UQCRH: variants seen among roughly 807,000 people sequenced by gnomAD.
UQCRH encodes the protein ubiquinol-cytochrome c reductase hinge protein, also known as cytochrome b-c1 complex subunit 6, mitochondrial.
UQCRH carries 14 observed loss-of-function variants against 16.3 expected under a neutral mutation model. That is an observed-to-expected ratio of 0.86 (90% CI 0.57 to 1.34). The LOEUF is 1.34. Ranked by LOEUF, UQCRH falls within the 40% of genes most tolerant of loss-of-function variation. The pLI, the probability that UQCRH is intolerant of heterozygous loss-of-function variation, is 0.00. For missense variants in UQCRH, 89 were observed against 111.9 expected (o/e 0.80, Z 0.92); for synonymous variants, 41 against 41.9 (o/e 0.98, Z 0.08).
At position 46,310,191 on chromosome 1, in the gene UQCRH, T is replaced by C; in HGVS notation, c.118T>C (p.Leu40=). 12 of 1,614,126 alleles carry C rather than the reference T, an allele frequency of 7.4e-6. No homozygotes were observed. Among genetic ancestry groups the C allele is most frequent in the South Asian group, 1.1e-5 (1 of 91,090 alleles). The change falls in exon 3 of 4, where the codon TTG becomes CTG. Residue 40 remains leucine, a synonymous_variant. Transcript: ENST00000311672. ...AACAGTGAGAGAGCAATGCGAGCAG[T>C]TGGAGAAATGTGTAAAGGCCCGGGA... The part of the protein sequence containing the change: ...LTTVREQCEQ[L]EKCVKARERL...
At chr1:46,308,216 A>C (rs964987128) in intron 1 of UQCRH, among the ~76,000 whole-genome samples, 2 of 152,218 alleles carry the variant, frequency 1.3e-5, no homozygotes, top group African/African-American at 4.8e-5. Context: ...ACCTGGAGAC[A>C]ACCGCCTTTG....
At chr1:46,304,868 A>G (rs749137952) in intron 1 of UQCRH, among the ~76,000 whole-genome samples, 26 of 152,062 alleles carry the variant, frequency 1.7e-4, no homozygotes, top group Non-Finnish European at 3.8e-4. Flanking sequence ...ACTCTTATCA[A>G]TTTTGCGACA....
chr1:46,311,074 C>CA (rs1196243713), intron 3 of UQCRH, among the ~76,000 whole-genome samples: 1,496 of 144,834 alleles, frequency 0.01, 20 homozygotes, highest in African/African-American at 0.033. Flanking sequence ...GACTCCATCT[C>CA]AAAAAAAAAA....
At chr1:46,311,062 G>T (rs1329151843) in intron 3 of UQCRH, among the ~76,000 whole-genome samples, 1 of 149,172 alleles carries the variant, frequency 6.7e-6, no homozygotes, top group Non-Finnish European at 1.5e-5. Flanking sequence ...GCGACAGAGC[G>T]AGACTCCATC....
rs1661596288 is a variant in UQCRH at position 46,316,762 on chromosome 1, T to C, written c.*178T>C. ...GCAATGATTCCATCTAAATAAAAGT[T>C]CTATGATCTGCAAACCTGCCCGTCT... On this transcript the variant is annotated 3_prime_UTR_variant, in exon 4 of 4. Transcript: ENST00000311672. 7.2e-6 allele frequency: 6 copies of C among 830,492 alleles called. No homozygotes were observed. The highest frequency in any genetic ancestry group is 1.1e-5 in the Non-Finnish European group (6 of 571,024). The allele number at this position is 830,492 out of a possible 1,614,324, so 51.4% of individuals were successfully genotyped here.
intron 1 of UQCRH, 107 bp from the exon 2 acceptor site, chr1:46,308,994 A>G: frequency 7.8e-7 from 1 of 1,289,824 alleles, no homozygotes; most frequent in Non-Finnish European, 1.1e-6. Flanking sequence ...AAACAAAATA[A>G]CATCGTTAAT....
chr1:46,316,472 T>C (rs1051119434), intron 3 of UQCRH, 80 bp from the exon 4 acceptor site: 13 of 1,590,428 alleles, frequency 8.2e-6, no homozygotes, highest in Admixed American at 6.8e-5. Context: ...GGGGCAGTAC[T>C]GTTTCAGGTC....
At chr1:46,310,867 A>G (rs1441183632) in intron 3 of UQCRH, among the ~76,000 whole-genome samples, 1 of 151,774 alleles carries the variant, frequency 6.6e-6, no homozygotes, top group Non-Finnish European at 1.5e-5. Context: ...GGAGATCGAG[A>G]CCATCCTGGC....
At chr1:46,309,871 G>C in intron 2 of UQCRH, 1 of 1,354,588 alleles carries the variant, frequency 7.4e-7, no homozygotes, top group South Asian at 1.6e-5. Flanking sequence ...GTTTGGCCAG[G>C]TTTCCTTTAC....
intron 3 of UQCRH, among the ~76,000 whole-genome samples, chr1:46,315,222 A>G (rs1228415992): frequency 6.6e-6 from 1 of 152,194 alleles, no homozygotes; most frequent in Non-Finnish European, 1.5e-5. Context: ...AGGCACGTGG[A>G]TCACCTGAGG....
chr1:46,316,067 G>A (rs547493313), intron 3 of UQCRH, among the ~76,000 whole-genome samples: 3 of 152,032 alleles, frequency 2.0e-5, no homozygotes, highest in Non-Finnish European at 4.4e-5. Flanking sequence ...CCCCCGCCCC[G>A]CCTCCCATTT....
intron 3 of UQCRH, among the ~76,000 whole-genome samples, chr1:46,312,122 G>C (rs868198372): frequency 1.4e-4 from 21 of 147,604 alleles, no homozygotes; most frequent in African/African-American, 5.3e-4. Flanking sequence ...TTGAGACTGA[G>C]TTGCACTCTG....
chr1:46,309,799 C>T, intron 2 of UQCRH: 1 of 1,153,344 alleles, frequency 8.7e-7, no homozygotes, highest in Non-Finnish European at 1.1e-6. Context: ...TTTGAAGTTT[C>T]AGACGTGTCA....
intron 3 of UQCRH, 53 bp from the exon 4 acceptor site, chr1:46,316,499 G>A (rs1211761002): frequency 3.1e-6 from 5 of 1,612,392 alleles, no homozygotes; most frequent in Admixed American, 1.7e-5. Context: ...GACCTTGTAA[G>A]CCATGACATT....
rs1661302269 is a variant in UQCRH at position 46,303,756 on chromosome 1, C to G, written c.-11C>G. On this transcript the variant is annotated 5_prime_UTR_variant, in exon 1 of 4. Transcript: ENST00000311672. ...TTGCTGCTCGTGTTGAATCTAGAAC[C>G]GTAGCCAGACATGGGACTGGAGGAC... The G allele has an allele frequency of 6.2e-7, 1 of 1,614,030 alleles. No homozygotes were observed. Among genetic ancestry groups the G allele is most frequent in the Non-Finnish European group, 8.5e-7 (1 of 1,180,006 alleles).
chr1:46,310,053 G>T, intron 2 of UQCRH, 102 bp from the exon 3 acceptor site: 1 of 1,564,990 alleles, frequency 6.4e-7, no homozygotes, highest in South Asian at 1.2e-5. Flanking sequence ...CGGTAATTCA[G>T]AGGCAGCACC....
chr1:46,309,082 T>G lies in UQCRH; in HGVS notation c.55-19T>G, dbSNP rs768108517. On this transcript the variant is annotated intron_variant, in intron 1 of 3. Transcript: ENST00000311672. Reference sequence around the variant, plus strand: ...GTCATAAAATTGCTGCTGACATTAATTTTGTTTTCCTTTTGTAGGAGGAAG... The same window carrying G: ...GTCATAAAATTGCTGCTGACATTAAGTTTGTTTTCCTTTTGTAGGAGGAAG... 6.2e-7 allele frequency: 1 copy of G among 1,613,566 alleles called. No homozygotes were observed. The highest frequency in any genetic ancestry group is 2.2e-5 in the East Asian group (1 of 44,858).
At chr1:46,312,339 C>T (rs1661497383) in intron 3 of UQCRH, among the ~76,000 whole-genome samples, 1 of 151,860 alleles carries the variant, frequency 6.6e-6, no homozygotes. Context: ...TCCTGACCTC[C>T]AGTGATCCAC....
At position 46,310,317 on chromosome 1, in the gene UQCRH, GT is replaced by G; in HGVS notation, c.243+2del. ...CTTCTTGCATGCGAGGGACCATTGC[GT>G]AAGTCAGTGGGAAGTCAGGAAGGGG... On this transcript the variant is annotated splice_donor_variant, in intron 3 of 3. Transcript: ENST00000311672. LOFTEE classifies it high-confidence loss of function. 6.2e-7 allele frequency: 1 copy of G among 1,614,092 alleles called. No homozygotes were observed.
Sources: allele counts gnomAD v4.1 joint callset (sites outside exome capture counted in the v4.1 genomes callset), GRCh38; gene constraint gnomAD v4.1.1; transcripts MANE v1.5; gene names NCBI Gene and HGNC (gene_info 2026-07-23, HGNC 2026-07-21).